MKLN1: variants seen among roughly 807,000 people sequenced by gnomAD.
MKLN1 encodes the protein muskelin.
A neutral mutation model predicts 99.0 loss-of-function variants in MKLN1; 18 were observed. The ratio of observed to expected loss-of-function variants is 0.18; its 90% CI spans 0.13 to 0.27. The LOEUF (loss-of-function observed/expected upper bound fraction) is 0.27, where lower values mean the gene tolerates loss of function less well. Ranked by LOEUF, MKLN1 falls within the 10% of genes least tolerant of loss-of-function variation. MKLN1 has a pLI of 1.00. For synonymous variants in MKLN1, 288 were observed against 293.2 expected, an observed-to-expected ratio of 0.98 and a Z score of 0.18; for missense variants, 621 against 875.9, an observed-to-expected ratio of 0.71 and a Z score of 3.67.
At chr7:131,411,520 C>T (rs1794873526) in intron 7 of MKLN1, 137 bp downstream of exon 7, 2 of 653,718 alleles carry the variant, frequency 3.1e-6, no homozygotes, top group Non-Finnish European at 5.5e-6. Context: ...CATGTCTAAT[C>T]CCAATACTTT....
intron 6 of MKLN1, among the ~76,000 whole-genome samples, chr7:131,401,523 CAT>C (rs1198110505): frequency 1.3e-5 from 2 of 152,150 alleles, no homozygotes; most frequent in Non-Finnish European, 2.9e-5. Context: ...ATAAGGTAGT[CAT>C]AAAGTTTCAA....
chr7:131,210,216 A>G (rs1263808782), intron 3 of MKLN1, among the ~76,000 whole-genome samples: 1 of 152,158 alleles, frequency 6.6e-6, no homozygotes, highest in Non-Finnish European at 1.5e-5. Context: ...AAATCTTAGC[A>G]TAGGATTATA....
intron 2 of MKLN1, among the ~76,000 whole-genome samples, chr7:131,380,272 A>G (rs1026993911): frequency 2.0e-5 from 3 of 152,204 alleles, no homozygotes; most frequent in African/African-American, 7.2e-5. Flanking sequence ...AGTTACTTTT[A>G]GTTTTTCATA....
chr7:131,272,055 T>C (rs1239378630), intron 3 of MKLN1, among the ~76,000 whole-genome samples: 1 of 152,186 alleles, frequency 6.6e-6, no homozygotes, highest in Non-Finnish European at 1.5e-5. Flanking sequence ...GAAGTGATGT[T>C]GGTCATTGCT....
chr7:131,193,093 A>G lies in MKLN1; in HGVS notation c.-296-9764A>G, dbSNP rs550971315. ...ATATGCTAACTTCCATATAACAGTTACAAAATTTAAATGGCTTACAGAATT... is the reference window on the plus strand; with the variant it reads ...ATATGCTAACTTCCATATAACAGTTGCAAAATTTAAATGGCTTACAGAATT... On this transcript the variant is annotated intron_variant, in intron 2 of 7. Coordinates refer to the MKLN1 transcript ENST00000416992. Among the ~76,000 whole-genome samples, 73 of 152,334 alleles carry G rather than the reference A, an allele frequency of 4.8e-4. 1 individual carries two copies. The highest frequency in any genetic ancestry group is 1.6e-3 in the African/African-American group (68 of 41,578).
intron 3 of MKLN1, among the ~76,000 whole-genome samples, chr7:131,301,518 G>C (rs1798376926): frequency 6.6e-6 from 1 of 152,116 alleles, no homozygotes; most frequent in Non-Finnish European, 1.5e-5. Context: ...AACATTATGA[G>C]GGCATCTAGT....
chr7:131,456,653 G>A (rs887367960), intron 12 of MKLN1, among the ~76,000 whole-genome samples: 1 of 152,046 alleles, frequency 6.6e-6, no homozygotes, highest in Non-Finnish European at 1.5e-5. Context: ...CTTTGTCCAG[G>A]GAGACTGCCT....
chr7:131,276,872 G>C (rs1279308715), intron 3 of MKLN1, among the ~76,000 whole-genome samples: 1 of 152,168 alleles, frequency 6.6e-6, no homozygotes, highest in East Asian at 1.9e-4. Context: ...TATTACAAAT[G>C]TGACAAGCCT....
intron 3 of MKLN1, among the ~76,000 whole-genome samples, chr7:131,260,614 A>G (rs1452656965): frequency 1.3e-5 from 2 of 152,232 alleles, no homozygotes; most frequent in Non-Finnish European, 2.9e-5. Flanking sequence ...TTTAAAATTC[A>G]TATGGAACCA....
At chr7:131,380,101 G>T in intron 2 of MKLN1, among the ~76,000 whole-genome samples, 1 of 152,132 alleles carries the variant, frequency 6.6e-6, no homozygotes, top group East Asian at 1.9e-4. Context: ...AAGAGTGAGC[G>T]TGAACCAGAA....
At chr7:131,168,615 G>A (rs552584023) in intron 2 of MKLN1, among the ~76,000 whole-genome samples, 1 of 152,056 alleles carries the variant, frequency 6.6e-6, no homozygotes, top group Admixed American at 6.6e-5. Context: ...ATAATATCAT[G>A]GCTGAGAAAC....
chr7:131,451,422 C>G (rs1796173704), intron 12 of MKLN1, among the ~76,000 whole-genome samples: 1 of 151,502 alleles, frequency 6.6e-6, no homozygotes, highest in Non-Finnish European at 1.5e-5. Flanking sequence ...TTTGTTTGAA[C>G]TATTGAGATC....
At chr7:131,199,672 G>A (rs758862680) in intron 2 of MKLN1, among the ~76,000 whole-genome samples, 12 of 152,138 alleles carry the variant, frequency 7.9e-5, no homozygotes, top group South Asian at 2.1e-4. Context: ...TTCTGAGCAC[G>A]TGAAATATTT....
intron 3 of MKLN1, among the ~76,000 whole-genome samples, chr7:131,304,002 T>G (rs1798415460): frequency 6.6e-6 from 1 of 152,168 alleles, no homozygotes; most frequent in South Asian, 2.1e-4. Context: ...GAGATTCAAT[T>G]TAAAAAATAT....
At chr7:131,189,531 CAAACA>C (rs1399119685) in intron 2 of MKLN1, among the ~76,000 whole-genome samples, 3 of 41,362 alleles carry the variant, frequency 7.3e-5, no homozygotes, top group East Asian at 1.4e-3. Flanking sequence ...TATTAAAAAA[CAAACA>C]AAAAAAAAAA....
chr7:131,297,014 C>G (rs1392599846), intron 3 of MKLN1, among the ~76,000 whole-genome samples: 1 of 151,876 alleles, frequency 6.6e-6, no homozygotes. Flanking sequence ...GCTGGGATTA[C>G]AGGCATGAGC....
chr7:131,179,980 C>T (rs1796356420), intron 2 of MKLN1, among the ~76,000 whole-genome samples: 1 of 152,170 alleles, frequency 6.6e-6, no homozygotes. Context: ...GCAGTTTGAA[C>T]TCCTGGTCTC....
intron 16 of MKLN1, among the ~76,000 whole-genome samples, chr7:131,475,230 C>A (rs998489129): frequency 6.6e-6 from 1 of 152,146 alleles, no homozygotes; most frequent in African/African-American, 2.4e-5. Flanking sequence ...TGGAAAACTT[C>A]ATTGACAAGC....
At chr7:131,472,892 G>C (rs898437691) in intron 16 of MKLN1, among the ~76,000 whole-genome samples, 20 of 145,986 alleles carry the variant, frequency 1.4e-4, no homozygotes, top group African/African-American at 5.1e-4. Context: ...AGCTTGCAGT[G>C]AGCTGAGATC....
Sources: allele counts gnomAD v4.1 joint callset (sites outside exome capture counted in the v4.1 genomes callset), GRCh38; gene constraint gnomAD v4.1.1; transcripts MANE v1.5; gene names NCBI Gene and HGNC (gene_info 2026-07-23, HGNC 2026-07-21).